Variants in LYPLAL1 observed in about 807,000 individuals in gnomAD.
LYPLAL1 encodes lysophospholipase-like protein 1.
LYPLAL1 carries 23 observed loss-of-function variants against 19.7 expected under a neutral mutation model. The observed-to-expected ratio is 1.17, with a 90% CI of 0.84 to 1.65. LYPLAL1 has a LOEUF of 1.65. Ranked by LOEUF, LYPLAL1 falls within the 40% of genes most tolerant of loss-of-function variation. The pLI, the probability that LYPLAL1 is intolerant of heterozygous loss-of-function variation, is 0.00. For missense variants in LYPLAL1, 355 were observed against 279.4 expected (o/e 1.27, Z -1.93); for synonymous variants, 119 against 96.3 (o/e 1.24, Z -1.38).
chr1:219,419,414 A>G, the LYPLAL1 span, among the ~76,000 whole-genome samples: 622 of 152,182 alleles, frequency 4.1e-3, 6 homozygotes, highest in African/African-American at 0.014. Flanking sequence ...TCATCTCTCA[A>G]TGAAAATTCT....
At chr1:219,242,507 G>T in the LYPLAL1 span, among the ~76,000 whole-genome samples, 1 of 152,056 alleles carries the variant, frequency 6.6e-6, no homozygotes, top group African/African-American at 2.4e-5. Context: ...TACAATGCCT[G>T]CCTTGCTGGA....
the LYPLAL1 span, among the ~76,000 whole-genome samples, chr1:219,350,842 T>C: frequency 6.6e-6 from 1 of 152,228 alleles, no homozygotes; most frequent in African/African-American, 2.4e-5. Flanking sequence ...GAATAACATC[T>C]GTAGCTCAGC....
chr1:219,382,154 A>G, the LYPLAL1 span, among the ~76,000 whole-genome samples: 1 of 152,174 alleles, frequency 6.6e-6, no homozygotes, highest in Admixed American at 6.5e-5. Context: ...CCACTTCACA[A>G]TTTTGTATAA....
rs916075735 is a variant in LYPLAL1, at chr1:219,189,133, CA to C, written c.192-3946del. ...CATCTATCTCTAATTAAGGCATTGT[CA>C]AAGAAAAAAGTTAAGTGAATGCCAC... is the stretch of plus-strand genomic sequence containing the variant. On this transcript the variant is annotated intron_variant, in intron 2 of 4. Transcript: ENST00000366928. Among the ~76,000 whole-genome samples, 295 of 151,634 alleles carry C rather than the reference CA, an allele frequency of 1.9e-3. 3 individuals are homozygous for C. The highest frequency in any genetic ancestry group is 6.9e-3 in the African/African-American group (285 of 41,434).
the LYPLAL1 span, among the ~76,000 whole-genome samples, chr1:219,363,049 C>T: frequency 1.3e-5 from 2 of 152,150 alleles, no homozygotes; most frequent in South Asian, 4.1e-4. Context: ...ACAATACCAC[C>T]GTCTTCATTG....
chr1:219,373,169 A>G, the LYPLAL1 span, among the ~76,000 whole-genome samples: 1 of 152,238 alleles, frequency 6.6e-6, no homozygotes, highest in South Asian at 2.1e-4. Flanking sequence ...ACATGTAGCT[A>G]TGACTGAACA....
intron 2 of LYPLAL1, among the ~76,000 whole-genome samples, chr1:219,184,225 C>T (rs954856450): frequency 4.6e-5 from 7 of 151,862 alleles, no homozygotes; most frequent in Admixed American, 2.0e-4. Flanking sequence ...AGAAGTGATT[C>T]GGAGTTTTTA....
chr1:219,309,158 G>A, the LYPLAL1 span, among the ~76,000 whole-genome samples: 1 of 152,170 alleles, frequency 6.6e-6, no homozygotes, highest in Non-Finnish European at 1.5e-5. Flanking sequence ...ACTTGCATGA[G>A]CCTTGCATGA....
chr1:219,204,988 G>A (rs1355973390), intron 3 of LYPLAL1, among the ~76,000 whole-genome samples: 1 of 152,108 alleles, frequency 6.6e-6, no homozygotes, highest in Non-Finnish European at 1.5e-5. Flanking sequence ...AACTACACTG[G>A]AGTAATTTAC....
chr1:219,272,811 G>A, the LYPLAL1 span: 2 of 151,322 alleles, frequency 1.3e-5, no homozygotes, highest in East Asian at 1.9e-4. Flanking sequence ...AAAAAATGCA[G>A]CAGTAATAGA....
At chr1:219,403,344 G>A in the LYPLAL1 span, among the ~76,000 whole-genome samples, 4 of 152,298 alleles carry the variant, frequency 2.6e-5, no homozygotes, top group East Asian at 7.7e-4. Flanking sequence ...CATGGGGATT[G>A]CAGAAGAGGG....
At chr1:219,240,329 G>T in the LYPLAL1 span, among the ~76,000 whole-genome samples, 271 of 152,318 alleles carry the variant, frequency 1.8e-3, 1 homozygote, top group Non-Finnish European at 2.9e-3. Flanking sequence ...AGAATTCTCA[G>T]TGGTATAGCT....
intron 3 of LYPLAL1, among the ~76,000 whole-genome samples, chr1:219,207,418 G>A (rs1172378323): frequency 6.6e-6 from 1 of 151,882 alleles, no homozygotes; most frequent in African/African-American, 2.4e-5. Context: ...GGAATGATGG[G>A]CTTGGAGCAC....
At chr1:219,263,505 C>G in the LYPLAL1 span, among the ~76,000 whole-genome samples, 1 of 152,134 alleles carries the variant, frequency 6.6e-6, no homozygotes, top group Non-Finnish European at 1.5e-5. Context: ...GCTGGTATCT[C>G]TAGCAATTCC....
chr1:219,187,828 A>G (rs1419571579), intron 2 of LYPLAL1, among the ~76,000 whole-genome samples: 2 of 151,766 alleles, frequency 1.3e-5, no homozygotes, highest in Non-Finnish European at 3.0e-5. Context: ...TATCTGTACT[A>G]CAAGTATGCT....
the LYPLAL1 span, among the ~76,000 whole-genome samples, chr1:219,321,990 A>G: frequency 6.6e-6 from 1 of 152,232 alleles, no homozygotes; most frequent in African/African-American, 2.4e-5. Context: ...AATCTGGAAC[A>G]TAATGGAGGC....
chr1:219,395,062 G>A, the LYPLAL1 span, among the ~76,000 whole-genome samples: 1 of 152,172 alleles, frequency 6.6e-6, no homozygotes, highest in East Asian at 1.9e-4. Flanking sequence ...CTTTGCTACT[G>A]TGAATAGTGC....
the LYPLAL1 span, among the ~76,000 whole-genome samples, chr1:219,333,650 TAAG>T: frequency 2.6e-5 from 4 of 152,004 alleles, no homozygotes; most frequent in African/African-American, 9.7e-5. Context: ...ATAAGAGAAA[TAAG>T]AATTTTTAAA....
chr1:219,323,317 G>A, the LYPLAL1 span, among the ~76,000 whole-genome samples: 1 of 152,312 alleles, frequency 6.6e-6, no homozygotes, highest in Admixed American at 6.5e-5. Context: ...TGAGAGGTGG[G>A]TGGATTCAGA....
Sources: gnomAD v4.1 joint callset for allele counts (sites outside exome capture counted in the v4.1 genomes callset) on GRCh38, gnomAD v4.1.1 for gene constraint, MANE v1.5 for transcripts, NCBI Gene and HGNC (gene_info 2026-07-23, HGNC 2026-07-21) for gene names.